The following SIPA1L1 variants were observed in gnomAD, a reference collection of about 807,000 sequenced individuals.
SIPA1L1 encodes signal-induced proliferation-associated 1-like protein 1.
SIPA1L1 carries 26 observed loss-of-function variants against 162.7 expected under a neutral mutation model. That is an observed-to-expected ratio of 0.16 (90% CI 0.12 to 0.22). SIPA1L1 has a LOEUF of 0.22. Ranked by LOEUF, SIPA1L1 falls within the 10% of genes least tolerant of loss-of-function variation. The pLI, the probability that SIPA1L1 is intolerant of heterozygous loss-of-function variation, is 1.00. For missense variants in SIPA1L1, 1,874 were observed against 2,241.0 expected, an observed-to-expected ratio of 0.84 and a Z score of 3.31; for synonymous variants, 829 against 837.4, an observed-to-expected ratio of 0.99 and a Z score of 0.17.
rs67020418 is a variant in SIPA1L1, at chr14:71,502,255, A to AAAATAT, written c.-464-10487_-464-10486insAATATA. Among the ~76,000 whole-genome samples the AAAATAT allele has an allele frequency of 7.6e-4, 74 of 97,552 alleles. 1 individual carries two copies. Among genetic ancestry groups the AAAATAT allele is most frequent in the African/African-American group, 1.9e-3 (41 of 22,110 alleles). 64.0% of individuals were successfully genotyped at this position (97,552 alleles called of 152,430 possible). Reference sequence around the variant, plus strand: ...TTTGAGATACTTGAAAAAAAAAAAAAATATATATATATATATATATATATT... The same window carrying AAAATAT: ...TTTGAGATACTTGAAAAAAAAAAAAAAAATATATATATATATATATATATATATATT... On this transcript the variant is annotated intron_variant, in intron 2 of 23. Transcript: ENST00000381232.
chr14:71,676,035 T>C (rs561436270), intron 12 of SIPA1L1, among the ~76,000 whole-genome samples: 18 of 146,948 alleles, frequency 1.2e-4, no homozygotes, highest in African/African-American at 4.4e-4. Context: ...GGCTGGTGAA[T>C]CATTTGAGGT....
intron 17 of SIPA1L1, among the ~76,000 whole-genome samples, 169 bp downstream of exon 17, chr14:71,709,833 C>T (rs560318905): frequency 1.3e-3 from 194 of 152,208 alleles, no homozygotes; most frequent in Non-Finnish European, 2.6e-3. Flanking sequence ...ATACTTTAAT[C>T]CTGCAATTTT....
chr14:71,537,180 TC>T (rs1221045164), intron 4 of SIPA1L1, among the ~76,000 whole-genome samples: 1 of 152,146 alleles, frequency 6.6e-6, no homozygotes, highest in Non-Finnish European at 1.5e-5. Context: ...GGCTGCTGAT[TC>T]TATTAAGTTT....
intron 2 of SIPA1L1, among the ~76,000 whole-genome samples, chr14:71,418,435 A>G (rs539088713): frequency 2.6e-5 from 4 of 152,324 alleles, no homozygotes; most frequent in African/African-American, 9.6e-5. Context: ...GAGAACATGA[A>G]CTATGTGGAT....
chr14:71,540,652 G>T (rs947533708), intron 4 of SIPA1L1, among the ~76,000 whole-genome samples: 4 of 152,224 alleles, frequency 2.6e-5, no homozygotes, highest in African/African-American at 9.6e-5. Context: ...ACAGTGACAA[G>T]GGAAGCAGTT....
intron 2 of SIPA1L1, among the ~76,000 whole-genome samples, chr14:71,339,497 G>C (rs2035431930): frequency 6.6e-6 from 1 of 151,842 alleles, no homozygotes; most frequent in Admixed American, 6.6e-5. Context: ...CGAGTAGCTG[G>C]GATTACAGGC....
At chr14:71,729,737 T>C (rs1372394144) in intron 19 of SIPA1L1, among the ~76,000 whole-genome samples, 4 of 152,240 alleles carry the variant, frequency 2.6e-5, no homozygotes, top group African/African-American at 9.6e-5. Flanking sequence ...AGACACAGGA[T>C]TCAAATAAAA....
chr14:71,366,289 T>C (rs555660857), intron 2 of SIPA1L1, among the ~76,000 whole-genome samples: 1 of 152,286 alleles, frequency 6.6e-6, no homozygotes, highest in Non-Finnish European at 1.5e-5. Context: ...CCTTTTCCTC[T>C]GCACTTTGAA....
At chr14:71,328,456 T>G (rs1004116052) in intron 2 of SIPA1L1, among the ~76,000 whole-genome samples, 1 of 152,208 alleles carries the variant, frequency 6.6e-6, no homozygotes, top group African/African-American at 2.4e-5. Flanking sequence ...CAGTAGGTGA[T>G]TCTGTTATGC....
At chr14:71,354,423 G>A (rs141878612) in intron 2 of SIPA1L1, among the ~76,000 whole-genome samples, 8 of 151,762 alleles carry the variant, frequency 5.3e-5, no homozygotes, top group African/African-American at 1.9e-4. Flanking sequence ...GATTACAGGC[G>A]CCCGTCACCA....
chr14:71,588,409 C>T lies in SIPA1L1; in HGVS notation c.537C>T (p.Thr179=). ...GCCAGCGAAGCAACAGTGATATCAC[C>T]ATAAGTGAACTTGATGTGGATAGCT... is the stretch of plus-strand genomic sequence containing the variant. ...RIRQRSNSDI[T]ISELDVDSFD... The change falls in exon 5 of 24, where the codon ACC becomes ACT. Residue 179 remains threonine (T), a synonymous_variant. Transcript: ENST00000381232. The surrounding 1 kb of genome is among the most constrained non-coding windows in gnomAD (Gnocchi z 4.3). 6.2e-7 allele frequency: 1 copy of T among 1,614,102 alleles called. No individual in the cohort carries two copies.
At chr14:71,484,651 C>G (rs952834838) in intron 2 of SIPA1L1, among the ~76,000 whole-genome samples, 2 of 152,046 alleles carry the variant, frequency 1.3e-5, no homozygotes, top group African/African-American at 4.8e-5. Flanking sequence ...TGAATCTGGA[C>G]GTGATACTCA....
In SIPA1L1 at chr14:71,618,803, T is replaced by C. The variant is rs2039102373; in HGVS notation, c.1545T>C (p.Ala515=). ...CTGATGAGAATCTTGGTCCAGTGGC[T>C]GTGAGCATTCGAAGGGAAAAACCAG... is the stretch of plus-strand genomic sequence containing the variant. ...FGADENLGPV[A]VSIRREKPDE... is the part of the protein sequence containing the mutation. The change falls in exon 6 of 24, where the codon GCT becomes GCC. Residue 515 remains alanine (A), a synonymous_variant. Transcript: ENST00000381232. The C allele has an allele frequency of 6.2e-7, 1 of 1,613,906 alleles. No homozygotes were observed. Among genetic ancestry groups the C allele is most frequent in the African/African-American group, 1.3e-5 (1 of 74,938 alleles).
intron 15 of SIPA1L1, among the ~76,000 whole-genome samples, chr14:71,704,113 T>C (rs115793300): frequency 0.013 from 2,016 of 152,284 alleles, 45 homozygotes; most frequent in African/African-American, 0.045. Flanking sequence ...AAATAAAATA[T>C]TAAAATAATT....
At chr14:71,611,838 A>G (rs1190233048) in intron 5 of SIPA1L1, among the ~76,000 whole-genome samples, 2 of 152,154 alleles carry the variant, frequency 1.3e-5, no homozygotes, top group African/African-American at 2.4e-5. Flanking sequence ...AGTCTTTGCT[A>G]TTGTAAATAC....
At chr14:71,714,583 C>T (rs1351145722) in intron 17 of SIPA1L1, among the ~76,000 whole-genome samples, 1 of 74,862 alleles carries the variant, frequency 1.3e-5, no homozygotes, top group Non-Finnish European at 2.1e-5. Flanking sequence ...CAGCTTTTCT[C>T]TCTTTTTTTT....
chr14:71,482,689 TA>T (rs1299138291), intron 2 of SIPA1L1, among the ~76,000 whole-genome samples: 3 of 152,212 alleles, frequency 2.0e-5, no homozygotes, highest in Non-Finnish European at 2.9e-5. Flanking sequence ...CTGATGTATT[TA>T]ACCTCTTAAG....
intron 2 of SIPA1L1, among the ~76,000 whole-genome samples, chr14:71,456,935 A>G (rs1235803646): frequency 6.6e-6 from 1 of 152,152 alleles, no homozygotes; most frequent in African/African-American, 2.4e-5. Context: ...CTGAAATCCA[A>G]ATTTCTCTTA....
chr14:71,621,128 C>G (rs1277181583), intron 6 of SIPA1L1, among the ~76,000 whole-genome samples: 5 of 152,148 alleles, frequency 3.3e-5, no homozygotes, highest in Non-Finnish European at 7.4e-5. Flanking sequence ...ACTACTTCTC[C>G]CACCCTCACT....
Sources: allele counts gnomAD v4.1 joint callset (sites outside exome capture counted in the v4.1 genomes callset), GRCh38; gene constraint gnomAD v4.1.1; non-coding constraint Gnocchi (gnomAD v3.1); transcripts MANE v1.5; gene names NCBI Gene and HGNC (gene_info 2026-07-23, HGNC 2026-07-21).